The following ZRANB3 variants were observed in gnomAD, a reference collection of about 807,000 sequenced individuals.
ZRANB3 encodes the protein DNA annealing helicase and endonuclease ZRANB3.
ZRANB3 carries 125 observed loss-of-function variants against 133.8 expected under a neutral mutation model. The observed-to-expected ratio is 0.93, with a 90% CI of 0.81 to 1.08. The LOEUF (loss-of-function observed/expected upper bound fraction) is 1.08, where lower values mean the gene tolerates loss of function less well. Ranked by LOEUF, ZRANB3 falls within the 50% of genes least tolerant of loss-of-function variation. ZRANB3 has a pLI of 0.00. For synonymous variants in ZRANB3, 387 were observed against 432.7 expected, an observed-to-expected ratio of 0.89 and a Z score of 1.31; for missense variants, 1,229 against 1,275.5, an observed-to-expected ratio of 0.96 and a Z score of 0.56.
chr2:135,501,408 T>A (rs1692936099), intron 2 of ZRANB3, among the ~76,000 whole-genome samples: 1 of 152,156 alleles, frequency 6.6e-6, no homozygotes, highest in African/African-American at 2.4e-5. Context: ...GCACTATTAT[T>A]CTTTGTCTGA....
intron 1 of ZRANB3, among the ~76,000 whole-genome samples, chr2:135,512,122 A>G (rs566822274): frequency 3.9e-5 from 6 of 152,368 alleles, no homozygotes; most frequent in Non-Finnish European, 2.9e-5. Flanking sequence ...CAAAATGACA[A>G]TATTGGCTAG....
intron 2 of ZRANB3, among the ~76,000 whole-genome samples, chr2:135,404,193 A>C (rs1687890192): frequency 6.6e-6 from 1 of 152,162 alleles, no homozygotes; most frequent in Non-Finnish European, 1.5e-5. Context: ...CAAATAAGTC[A>C]AAAACCTTGA....
chr2:135,245,071 C>T (rs1360793006), intron 12 of ZRANB3, among the ~76,000 whole-genome samples: 1 of 152,126 alleles, frequency 6.6e-6, no homozygotes, highest in African/African-American at 2.4e-5. Flanking sequence ...CTTAAGAATA[C>T]AATATTAGCA....
chr2:135,499,526 C>T (rs1207001152), intron 2 of ZRANB3, among the ~76,000 whole-genome samples: 1 of 151,736 alleles, frequency 6.6e-6, no homozygotes, highest in Non-Finnish European at 1.5e-5. Context: ...ATAGACAATC[C>T]AGAAGAAAAA....
In ZRANB3 at chr2:135,265,572, T is replaced by A. The variant is rs1225535871; in HGVS notation, c.1501A>T (p.Ser501Cys). 1 of 1,613,720 alleles carries A rather than the reference T, an allele frequency of 6.2e-7. No individual in the cohort carries two copies. The highest frequency in any genetic ancestry group is 8.5e-7 in the Non-Finnish European group (1 of 1,179,780). The change falls in exon 12 of 21, where the codon AGT becomes TGT. Residue 501 changes from serine to cysteine, a missense_variant. Transcript: ENST00000264159. ...GCTTCCTTCCTTAACTCTTCAGAAC[T>A]GTCATTTGGAGTCCAAGCTTCAGCA... is the stretch of plus-strand genomic sequence containing the variant. ...QFAEAWTPND[S>C]SEELRKEALF... is the part of the protein sequence containing the mutation.
Position 135,275,641 on chromosome 2 carries a change from T to A in ZRANB3, c.1081A>T (p.Asn361Tyr). 6 of 1,583,144 alleles carry A rather than the reference T, an allele frequency of 3.8e-6. No homozygotes were observed. The highest frequency in any genetic ancestry group is 5.1e-6 in the Non-Finnish European group (6 of 1,166,302). The change falls in exon 9 of 21, where the codon AAT (asparagine) becomes TAT (tyrosine). Residue 361 changes from asparagine (N) to tyrosine (Y), a missense_variant. Transcript: ENST00000264159. ...GTTAAAAAATGGCAACATACCTTAT[T>A]TTCGATGACTGCTTCTGTGCAAGCT... The part of the protein sequence containing the change: ...LQACTEAVIE[N>Y]KTRYIRIDGS...
intron 1 of ZRANB3, chr2:135,511,561 T>C (rs1693452553): frequency 3.0e-6 from 3 of 1,004,794 alleles, no homozygotes; most frequent in Admixed American, 1.7e-5. Flanking sequence ...GAAGATATCA[T>C]TGTGAACATA....
chr2:135,208,847 C>T (rs1468652704), intron 18 of ZRANB3, 21 bp downstream of exon 18: 1 of 1,523,334 alleles, frequency 6.6e-7, no homozygotes, highest in African/African-American at 1.4e-5. Flanking sequence ...CTACTATATA[C>T]TAGTAGTAGA....
chr2:135,269,265 G>A, intron 10 of ZRANB3, 124 bp from the exon 11 acceptor site: 2 of 721,394 alleles, frequency 2.8e-6, no homozygotes, highest in Non-Finnish European at 2.0e-6. Flanking sequence ...TCTATTTTAG[G>A]CCAAATTAAG....
intron 2 of ZRANB3, among the ~76,000 whole-genome samples, chr2:135,432,249 C>T (rs1467004157): frequency 1.3e-5 from 2 of 151,944 alleles, no homozygotes; most frequent in Non-Finnish European, 2.9e-5. Flanking sequence ...AAAACTCCAT[C>T]TCAAAATAAT....
intron 8 of ZRANB3, among the ~76,000 whole-genome samples, chr2:135,295,351 T>G (rs904146906): frequency 2.0e-5 from 3 of 152,182 alleles, no homozygotes; most frequent in Admixed American, 6.5e-5. Flanking sequence ...TTGTCTCTTT[T>G]GATCTTTGTT....
intron 15 of ZRANB3, among the ~76,000 whole-genome samples, chr2:135,224,072 T>C (rs1173328279): frequency 6.6e-6 from 1 of 152,224 alleles, no homozygotes; most frequent in Non-Finnish European, 1.5e-5. Context: ...ATTTATGGGA[T>C]ACATGAGATA....
At chr2:135,394,323 A>C (rs566149843) in intron 2 of ZRANB3, among the ~76,000 whole-genome samples, 3 of 152,336 alleles carry the variant, frequency 2.0e-5, no homozygotes, top group African/African-American at 7.2e-5. Flanking sequence ...CTTAACATAG[A>C]TTCAAGATAG....
intron 2 of ZRANB3, among the ~76,000 whole-genome samples, chr2:135,431,795 A>G (rs1444464751): frequency 6.6e-6 from 1 of 152,200 alleles, no homozygotes; most frequent in Non-Finnish European, 1.5e-5. Context: ...AATTAAAAGG[A>G]CTTATAATAC....
At chr2:135,446,089 C>A (rs1391053252) in intron 2 of ZRANB3, among the ~76,000 whole-genome samples, 1 of 151,440 alleles carries the variant, frequency 6.6e-6, no homozygotes, top group Non-Finnish European at 1.5e-5. Context: ...GCCTGTAATC[C>A]CAGCAACTTG....
chr2:135,508,737 T>A (rs972448606), intron 1 of ZRANB3, among the ~76,000 whole-genome samples: 1 of 152,126 alleles, frequency 6.6e-6, no homozygotes, highest in African/African-American at 2.4e-5. Context: ...CTTTTCTATT[T>A]ATAGGATCTA....
chr2:135,261,255 T>C (rs1679948938), intron 12 of ZRANB3, among the ~76,000 whole-genome samples: 1 of 152,136 alleles, frequency 6.6e-6, no homozygotes, highest in African/African-American at 2.4e-5. Flanking sequence ...AATGCTGAAA[T>C]TCTGGCAATG....
intron 10 of ZRANB3, chr2:135,271,409 A>G (rs945968309): frequency 2.1e-6 from 1 of 475,466 alleles, no homozygotes; most frequent in Admixed American, 2.3e-5. Flanking sequence ...ATGCAACACA[A>G]TCAAGTAAGT....
chr2:135,525,468 T>C (rs928183234), intron 1 of ZRANB3, among the ~76,000 whole-genome samples: 4 of 152,144 alleles, frequency 2.6e-5, no homozygotes, highest in Non-Finnish European at 2.9e-5. Flanking sequence ...CAGGGAAGCA[T>C]ACAAAGAGAG....
Sources: allele counts gnomAD v4.1 joint callset (sites outside exome capture counted in the v4.1 genomes callset), GRCh38; gene constraint gnomAD v4.1.1; transcripts MANE v1.5; gene names NCBI Gene and HGNC (gene_info 2026-07-23, HGNC 2026-07-21).